Variants in ADAMTSL1 observed in about 807,000 individuals in gnomAD.
ADAMTSL1 encodes the protein ADAMTS-like protein 1.
A neutral mutation model predicts 201.8 loss-of-function variants in ADAMTSL1; 126 were observed. The observed-to-expected ratio is 0.62, with a 90% CI of 0.54 to 0.72. ADAMTSL1 has a LOEUF of 0.72. ADAMTSL1 is among the 30% of genes least tolerant of loss of function. ADAMTSL1 has a pLI of 0.00. For synonymous variants in ADAMTSL1, 1,121 were observed against 903.4 expected, an observed-to-expected ratio of 1.24 and a Z score of -4.32; for missense variants, 2,679 against 2,277.8, an observed-to-expected ratio of 1.18 and a Z score of -3.59.
chr9:18,486,089 C>A (rs1400703689), intron 1 of ADAMTSL1, among the ~76,000 whole-genome samples: 1 of 152,206 alleles, frequency 6.6e-6, no homozygotes, highest in African/African-American at 2.4e-5. Flanking sequence ...TTAGATCCCA[C>A]TGTTTAGCAT....
chr9:18,495,891 C>G (rs1442840771), intron 1 of ADAMTSL1, among the ~76,000 whole-genome samples: 1 of 152,160 alleles, frequency 6.6e-6, no homozygotes, highest in Admixed American at 6.5e-5. Flanking sequence ...TATGCTTACT[C>G]TATGCCCTAT....
At chr9:18,671,459 T>C (rs1212272883) in intron 9 of ADAMTSL1, among the ~76,000 whole-genome samples, 3 of 152,128 alleles carry the variant, frequency 2.0e-5, no homozygotes, top group Non-Finnish European at 4.4e-5. Context: ...TTGGCAAACA[T>C]TGCTGGTGTC....
intron 27 of ADAMTSL1, among the ~76,000 whole-genome samples, chr9:18,906,190 A>T (rs1312217566): frequency 6.6e-6 from 1 of 152,210 alleles, no homozygotes; most frequent in East Asian, 1.9e-4. Context: ...CAGGGTGGTC[A>T]GGAGGTGAGG....
At chr9:18,160,078 A>G (rs1029464406) in intron 1 of ADAMTSL1, among the ~76,000 whole-genome samples, 1 of 151,958 alleles carries the variant, frequency 6.6e-6, no homozygotes, top group African/African-American at 2.4e-5. Context: ...ACAACAACAG[A>G]TTTCTTCCAT....
intron 2 of ADAMTSL1, among the ~76,000 whole-genome samples, chr9:18,372,318 A>G (rs1025940612): frequency 2.0e-5 from 3 of 152,220 alleles, no homozygotes; most frequent in Non-Finnish European, 1.5e-5. Context: ...GATACGAATG[A>G]GTAACCAGAA....
chr9:18,254,358 T>G (rs1015048650), intron 2 of ADAMTSL1, among the ~76,000 whole-genome samples: 8 of 98,548 alleles, frequency 8.1e-5, no homozygotes, highest in East Asian at 2.9e-4. Flanking sequence ...TTTTTTTTTT[T>G]TTTTTTTTTT....
intron 2 of ADAMTSL1, among the ~76,000 whole-genome samples, chr9:18,439,826 C>T (rs1563962337): frequency 6.6e-6 from 1 of 152,184 alleles, no homozygotes; most frequent in African/African-American, 2.4e-5. Flanking sequence ...CCCATTTCAT[C>T]TTCATACAGC....
intron 5 of ADAMTSL1, among the ~76,000 whole-genome samples, chr9:18,626,815 TTC>T (rs1418454808): frequency 7.0e-6 from 1 of 143,238 alleles, no homozygotes; most frequent in East Asian, 2.0e-4. Flanking sequence ...TTTTCTTTCT[TTC>T]TTTCTTTCTT....
chr9:18,828,695 A>ATAT (rs59734310), intron 22 of ADAMTSL1, among the ~76,000 whole-genome samples: 7 of 40,244 alleles, frequency 1.7e-4, no homozygotes, highest in South Asian at 8.7e-4. Context: ...TATATATATA[A>ATAT]AATGTGTGTG....
chr9:18,871,651 T>C (rs1471543207), intron 23 of ADAMTSL1, among the ~76,000 whole-genome samples: 2 of 152,124 alleles, frequency 1.3e-5, no homozygotes, highest in Admixed American at 1.3e-4. Context: ...TCCACAGGGG[T>C]GGTGATAAGG....
chr9:18,052,894 C>G (rs1170722357), intron 1 of ADAMTSL1, among the ~76,000 whole-genome samples: 1 of 152,102 alleles, frequency 6.6e-6, no homozygotes, highest in South Asian at 2.1e-4. Flanking sequence ...ACCTTTACAG[C>G]TTTGACATGG....
chr9:18,589,512 A>G (rs1305417061), intron 4 of ADAMTSL1, among the ~76,000 whole-genome samples: 4 of 152,314 alleles, frequency 2.6e-5, no homozygotes, highest in African/African-American at 9.6e-5. Context: ...AGATTATGTC[A>G]TCTGCAAACA....
intron 2 of ADAMTSL1, among the ~76,000 whole-genome samples, chr9:18,225,749 G>A (rs1830414388): frequency 6.6e-6 from 1 of 152,050 alleles, no homozygotes; most frequent in African/African-American, 2.4e-5. Flanking sequence ...AAAAAATTCA[G>A]TTTTGCTCTT....
At chr9:18,147,117 T>C (rs1335952661) in intron 1 of ADAMTSL1, among the ~76,000 whole-genome samples, 1 of 152,128 alleles carries the variant, frequency 6.6e-6, no homozygotes, top group Non-Finnish European at 1.5e-5. Context: ...GTATTCAAAT[T>C]CCAATTCTAC....
chr9:18,739,846 G>A lies in ADAMTSL1; in HGVS notation c.2007-13452G>A, dbSNP rs138636634. Among the ~76,000 whole-genome samples, 17 of 152,032 alleles carry A rather than the reference G, an allele frequency of 1.1e-4. No individual in the cohort carries two copies. In the South Asian group the frequency reaches 2.9e-3, roughly 26 times the overall value. ...AGGGGTGTGTATGTGTATGTATCACGCATATGCATGTGTATCAATGCCTGT... is the reference window on the plus strand; with the variant it reads ...AGGGGTGTGTATGTGTATGTATCACACATATGCATGTGTATCAATGCCTGT... On this transcript the variant is annotated intron_variant, in intron 15 of 28. Transcript: ENST00000380548.
In ADAMTSL1 at chr9:18,776,960, T is replaced by C. The variant is rs943282086; in HGVS notation, c.2731T>C (p.Trp911Arg). The C allele has an allele frequency of 3.1e-6, 5 of 1,597,988 alleles. No homozygotes were observed. Among genetic ancestry groups the C allele is most frequent in the Non-Finnish European group, 4.3e-6 (5 of 1,170,880 alleles). Residue 911 changes from tryptophan to arginine, a missense_variant, in exon 19 of 29, where the codon TGG becomes CGG. By Grantham distance (101) the Trp-to-Arg change is moderately radical (BLOSUM62 -3). Transcript: ENST00000380548. ...CAGGGTCCGCAAGCCCCTCATCACCTGGGAGAAGGACGGCCAGCACCTCAT... is the reference window on the plus strand; with the variant it reads ...CAGGGTCCGCAAGCCCCTCATCACCCGGGAGAAGGACGGCCAGCACCTCAT... ...ARRVRKPLIT[W>R]EKDGQHLISS...
chr9:18,179,255 C>G (rs1372994076), intron 2 of ADAMTSL1, among the ~76,000 whole-genome samples: 1 of 151,990 alleles, frequency 6.6e-6, no homozygotes, highest in Non-Finnish European at 1.5e-5. Context: ...CCGATGCGAT[C>G]AACTGGAAGA....
intron 13 of ADAMTSL1, among the ~76,000 whole-genome samples, chr9:18,688,704 A>ATATATC (rs138160150): frequency 0.014 from 1,040 of 72,358 alleles, 98 homozygotes; most frequent in East Asian, 0.027. Flanking sequence ...ATATATATAT[A>ATATATC]TATATGACTG....
chr9:18,668,977 A>G (rs1444248975), intron 9 of ADAMTSL1, among the ~76,000 whole-genome samples: 3 of 152,226 alleles, frequency 2.0e-5, no homozygotes, highest in African/African-American at 7.2e-5. Context: ...GTTCTACAGT[A>G]TCTCTACATA....
Sources: allele counts gnomAD v4.1 joint callset (sites outside exome capture counted in the v4.1 genomes callset), GRCh38; gene constraint gnomAD v4.1.1; transcripts MANE v1.5; gene names NCBI Gene and HGNC (gene_info 2026-07-23, HGNC 2026-07-21).